The following CCDC148 variants were observed in gnomAD, a reference collection of about 807,000 sequenced individuals.
CCDC148 encodes coiled-coil domain containing 148.
CCDC148 carries 89 observed loss-of-function variants against 85.7 expected under a neutral mutation model. The observed-to-expected ratio is 1.04, with a 90% CI of 0.87 to 1.24. The LOEUF (loss-of-function observed/expected upper bound fraction) is 1.24, where lower values mean the gene tolerates loss of function less well. Among genes scored for constraint, CCDC148 ranks in the 50% most tolerant of loss-of-function variants. The pLI is 0.00. For missense variants in CCDC148, 692 were observed against 671.7 expected (o/e 1.03, Z -0.33); for synonymous variants, 230 against 213.9 (o/e 1.08, Z -0.66).
intron 11 of CCDC148, among the ~76,000 whole-genome samples, chr2:158,211,317 A>T (rs1253664761): frequency 1.3e-5 from 2 of 152,240 alleles, no homozygotes; most frequent in Non-Finnish European, 2.9e-5. Context: ...TCTCAAAAAG[A>T]TCACAGCACC....
chr2:158,397,019 C>T (rs1186541282), intron 1 of CCDC148, among the ~76,000 whole-genome samples: 2 of 152,022 alleles, frequency 1.3e-5, no homozygotes, highest in Non-Finnish European at 2.9e-5. Context: ...CTATCTGCTG[C>T]TGACCTTGAG....
intron 11 of CCDC148, among the ~76,000 whole-genome samples, chr2:158,179,408 T>C (rs903128221): frequency 3.3e-5 from 5 of 151,940 alleles, no homozygotes; most frequent in Non-Finnish European, 5.9e-5. Flanking sequence ...CCGCCTGCCT[T>C]GGCCACCCAA....
At chr2:158,311,633 C>T (rs2105211787) in intron 8 of CCDC148, among the ~76,000 whole-genome samples, 1 of 152,280 alleles carries the variant, frequency 6.6e-6, no homozygotes, top group African/African-American at 2.4e-5. Flanking sequence ...TTTAAATACG[C>T]CATCTTTACA....
At chr2:158,186,621 C>T (rs1685168068) in intron 11 of CCDC148, among the ~76,000 whole-genome samples, 1 of 152,098 alleles carries the variant, frequency 6.6e-6, no homozygotes, top group East Asian at 1.9e-4. Flanking sequence ...GGATGTATCT[C>T]TCAACTCTGC....
At chr2:158,330,097 G>A (rs1253075860) in intron 7 of CCDC148, among the ~76,000 whole-genome samples, 1 of 152,080 alleles carries the variant, frequency 6.6e-6, no homozygotes, top group East Asian at 1.9e-4. Context: ...GTTTTCAAAG[G>A]GAATGCTTCC....
intron 9 of CCDC148, among the ~76,000 whole-genome samples, chr2:158,290,550 C>T (rs1690841521): frequency 6.6e-6 from 1 of 152,160 alleles, no homozygotes; most frequent in South Asian, 2.1e-4. Context: ...GGATTTGACT[C>T]AATTGCTGTC....
chr2:158,216,072 C>T (rs1008689463), intron 11 of CCDC148, among the ~76,000 whole-genome samples: 2 of 152,148 alleles, frequency 1.3e-5, no homozygotes, highest in Non-Finnish European at 2.9e-5. Context: ...CCCAAGCTAA[C>T]TAATACAGTG....
intron 10 of CCDC148, among the ~76,000 whole-genome samples, chr2:158,233,427 T>C (rs991869255): frequency 5.9e-5 from 9 of 151,590 alleles, no homozygotes; most frequent in Non-Finnish European, 8.8e-5. Context: ...ACATAGTTTT[T>C]ACAACTTTGT....
At chr2:158,435,275 T>C (rs1200525858) in intron 1 of CCDC148, among the ~76,000 whole-genome samples, 1 of 152,140 alleles carries the variant, frequency 6.6e-6, no homozygotes, top group Non-Finnish European at 1.5e-5. Context: ...TAATAGCAGA[T>C]CTCTCGGCAG....
intron 2 of CCDC148, among the ~76,000 whole-genome samples, chr2:158,354,504 T>C (rs1173102954): frequency 2.0e-5 from 3 of 151,928 alleles, no homozygotes; most frequent in Admixed American, 1.3e-4. Flanking sequence ...CCTCGACACA[T>C]ACACTCTCCC....
intron 7 of CCDC148, among the ~76,000 whole-genome samples, chr2:158,326,010 C>A (rs1692753762): frequency 6.6e-6 from 1 of 152,128 alleles, no homozygotes. Flanking sequence ...TGTCACTCTG[C>A]TCACTTCTGC....
At chr2:158,174,158 G>T (rs1019305637) in intron 13 of CCDC148, among the ~76,000 whole-genome samples, 2 of 151,956 alleles carry the variant, frequency 1.3e-5, no homozygotes, top group African/African-American at 2.4e-5. Context: ...AATATTTTAG[G>T]CAGTGGACAT....
At chr2:158,332,370 A>G (rs957486056) in intron 7 of CCDC148, among the ~76,000 whole-genome samples, 1 of 150,098 alleles carries the variant, frequency 6.7e-6, no homozygotes, top group Non-Finnish European at 1.5e-5. Flanking sequence ...TTCTGCCGAG[A>G]GATCAGCTGT....
chr2:158,442,077 T>G (rs541482071), intron 1 of CCDC148, among the ~76,000 whole-genome samples: 1 of 152,314 alleles, frequency 6.6e-6, no homozygotes, highest in East Asian at 1.9e-4. Context: ...GCCTTTTTCT[T>G]ATAAAAAGAC....
chr2:158,394,754 T>C (rs971553975), intron 1 of CCDC148, among the ~76,000 whole-genome samples: 20 of 152,040 alleles, frequency 1.3e-4, no homozygotes, highest in African/African-American at 4.1e-4. Flanking sequence ...GCCTCTCTCC[T>C]TGAGGTAATC....
intron 10 of CCDC148, among the ~76,000 whole-genome samples, chr2:158,223,041 A>G (rs1159111591): frequency 1.3e-5 from 2 of 152,166 alleles, no homozygotes; most frequent in Non-Finnish European, 1.5e-5. Context: ...TGGGAAGCAC[A>G]AGGGGTCAGG....
chr2:158,287,296 C>T (rs1424429680), intron 9 of CCDC148, among the ~76,000 whole-genome samples: 2 of 152,254 alleles, frequency 1.3e-5, no homozygotes, highest in African/African-American at 2.4e-5. Context: ...CATATACTCA[C>T]ATTTCAAAAC....
At position 158,309,354 on chromosome 2, in the gene CCDC148, T is replaced by C. The variant is rs1559060007; in HGVS notation, c.1110+79A>G. On this transcript the variant is annotated intron_variant, in intron 9 of 13. Transcript: ENST00000283233. ...TTGTTTTTTAAGAGAAACTGAACTT[T>C]AGGTTGAGTTTGAACAAAAGGGAAA... 7.5e-6 allele frequency: 9 copies of C among 1,199,652 alleles called. No individual in the cohort carries two copies. The East Asian group carries it at 1.9e-4, about 25-fold the overall frequency. The allele number at this position is 1,199,652 out of a possible 1,614,324, so 74.3% of individuals were successfully genotyped here. A position where few individuals can be genotyped will look rare whatever the true frequency, so the allele number is the denominator to read the frequency against.
intron 1 of CCDC148, among the ~76,000 whole-genome samples, chr2:158,358,775 C>T (rs1041958537): frequency 3.3e-5 from 5 of 151,844 alleles, no homozygotes; most frequent in Non-Finnish European, 7.4e-5. Context: ...TTATTTCTTG[C>T]ACAGCATTAC....
Sources: gnomAD v4.1 joint callset for allele counts (sites outside exome capture counted in the v4.1 genomes callset) on GRCh38, gnomAD v4.1.1 for gene constraint, MANE v1.5 for transcripts, NCBI Gene and HGNC (gene_info 2026-07-23, HGNC 2026-07-21) for gene names.